The following ZGPAT variants were observed in gnomAD, a reference collection of about 807,000 sequenced individuals.
The protein encoded by ZGPAT is zinc finger CCCH-type with G patch domain-containing protein.
Under a neutral mutation model 47.9 loss-of-function variants are expected in ZGPAT, and 39 were observed. The ratio of observed to expected loss-of-function variants is 0.81; its 90% confidence interval spans 0.63 to 1.06. The LOEUF (loss-of-function observed/expected upper bound fraction) is 1.06, where lower values mean the gene tolerates loss of function less well. Among genes scored for constraint, ZGPAT ranks in the 50% least tolerant of loss-of-function variants. The probability of loss-of-function intolerance (pLI) is 0.00; values close to 1 mark genes in which losing one functional copy is unlikely to be tolerated. For missense variants in ZGPAT, 717 were observed against 681.4 expected (o/e 1.05, Z -0.58); for synonymous variants, 348 against 292.9 (o/e 1.19, Z -1.92).
Position 63,736,002 on chromosome 20 carries a change from CGGCCTGCTGGCCTGG to C in ZGPAT, c.*87_*101del. ...AGACCAGTGTTGCCCGAGGAGGGGCCGGCCTGCTGGCCTGGGGCGTGCAGACACTGCTGAGTGGAG... is the reference window on the plus strand; with the variant it reads ...AGACCAGTGTTGCCCGAGGAGGGGCCGGCGTGCAGACACTGCTGAGTGGAG... On this transcript the variant is annotated 3_prime_UTR_variant, in exon 7 of 7. Coordinates refer to ENST00000355969, the MANE Select transcript of ZGPAT (RefSeq NM_181485.3). 1 of 1,543,828 alleles carries C rather than the reference CGGCCTGCTGGCCTGG, an allele frequency of 6.5e-7. No homozygotes were observed. Among genetic ancestry groups the C allele is most frequent in the Non-Finnish European group, 8.8e-7 (1 of 1,141,550 alleles).
At chr20:63,719,195 C>T (rs1271230799) in intron 2 of ZGPAT, among the ~76,000 whole-genome samples, 3 of 152,062 alleles carry the variant, frequency 2.0e-5, no homozygotes, top group Admixed American at 1.3e-4. Context: ...TTAGGAGATT[C>T]TCTATCTTTG....
chr20:63,720,528 T>A (rs2091776920), intron 2 of ZGPAT, among the ~76,000 whole-genome samples: 1 of 152,026 alleles, frequency 6.6e-6, no homozygotes. Flanking sequence ...CCTGGCACAC[T>A]GCAGCCTTAA....
intron 2 of ZGPAT, among the ~76,000 whole-genome samples, chr20:63,711,939 G>A (rs2091673160): frequency 6.6e-6 from 1 of 152,190 alleles, no homozygotes; most frequent in Admixed American, 6.5e-5. Flanking sequence ...ATAGTTTGCA[G>A]ATATTTGCTC....
chr20:63,709,286 C>T (rs1411167967), intron 2 of ZGPAT, 122 bp downstream of exon 2: 3 of 1,049,950 alleles, frequency 2.9e-6, no homozygotes, highest in Non-Finnish European at 2.8e-6. Context: ...GGCAGGCGTG[C>T]TTTGACAGCT....
chr20:63,734,559 G>A (rs1458000689), intron 4 of ZGPAT, 146 bp from the exon 5 acceptor site: 2 of 1,481,946 alleles, frequency 1.3e-6, no homozygotes, highest in Non-Finnish European at 1.8e-6. Context: ...CTCTGCCCAG[G>A]ATCTGAGCTC....
At chr20:63,727,823 T>G (rs1304890287) in intron 2 of ZGPAT, among the ~76,000 whole-genome samples, 1 of 152,104 alleles carries the variant, frequency 6.6e-6, no homozygotes, top group East Asian at 1.9e-4. Context: ...ATCAACTGCT[T>G]TTTTTCCTAA....
intron 2 of ZGPAT, among the ~76,000 whole-genome samples, chr20:63,725,207 A>G (rs1031273856): frequency 6.6e-6 from 1 of 151,906 alleles, no homozygotes; most frequent in Non-Finnish European, 1.5e-5. Flanking sequence ...GATGGTCTTG[A>G]TCTCCTGACC....
intron 2 of ZGPAT, among the ~76,000 whole-genome samples, chr20:63,724,893 T>G (rs1601332996): frequency 6.6e-6 from 1 of 151,922 alleles, no homozygotes; most frequent in Non-Finnish European, 1.5e-5. Context: ...GCCAGGCTGG[T>G]CTCGAATTCA....
intron 2 of ZGPAT, among the ~76,000 whole-genome samples, chr20:63,719,809 TG>T (rs1234231474): frequency 1.3e-5 from 2 of 151,854 alleles, no homozygotes; most frequent in African/African-American, 4.8e-5. Context: ...GTCACAATCT[TG>T]GCTCACTACA....
chr20:63,733,493 C>T (rs1164935834), intron 3 of ZGPAT, 94 bp from the exon 4 acceptor site: 2 of 1,607,538 alleles, frequency 1.2e-6, no homozygotes, highest in Non-Finnish European at 1.7e-6. Context: ...CTACCCTCAG[C>T]CTCTGCCCTG....
intron 2 of ZGPAT, among the ~76,000 whole-genome samples, chr20:63,710,988 A>T (rs984205667): frequency 4.0e-5 from 6 of 151,388 alleles, no homozygotes; most frequent in Non-Finnish European, 7.4e-5. Flanking sequence ...CTGACCGTGT[A>T]ACCATCCCTA....
At position 63,733,666 on chromosome 20, in the gene ZGPAT, GCCCC is replaced by G; in HGVS notation, c.800_803del (p.Pro267HisfsTer49). 6.2e-7 allele frequency: 1 copy of G among 1,613,992 alleles called. No individual in the cohort carries two copies. The highest frequency in any genetic ancestry group is 8.5e-7 in the Non-Finnish European group (1 of 1,180,028). On this transcript the variant is annotated frameshift_variant, in exon 4 of 7. Coordinates refer to ENST00000355969, the MANE Select transcript of ZGPAT (RefSeq NM_181485.3). LOFTEE classifies it high-confidence loss of function. Reference sequence around the variant, plus strand: ...CCGTGGTGGAGGGGGACGGCATCCTGCCCCCACTGCGCACAGAGGCCACAGAGTC... The same window carrying G: ...CCGTGGTGGAGGGGGACGGCATCCTGCACTGCGCACAGAGGCCACAGAGTC...
At chr20:63,732,557 G>A (rs905112732) in intron 2 of ZGPAT, among the ~76,000 whole-genome samples, 2 of 152,062 alleles carry the variant, frequency 1.3e-5, no homozygotes, top group Non-Finnish European at 2.9e-5. Context: ...ATGTATGACT[G>A]CATCTGTATT....
At chr20:63,725,058 C>T (rs1243915817) in intron 2 of ZGPAT, among the ~76,000 whole-genome samples, 1 of 150,006 alleles carries the variant, frequency 6.7e-6, no homozygotes, top group Non-Finnish European at 1.5e-5. Context: ...GATCTCGGCT[C>T]ACTGCGAGCT....
At chr20:63,733,478 C>T (rs1179178485) in intron 3 of ZGPAT, 109 bp from the exon 4 acceptor site, 10 of 1,600,010 alleles carry the variant, frequency 6.2e-6, no homozygotes, top group African/African-American at 1.3e-5. Flanking sequence ...CCGAAATGAG[C>T]ACACCTACCC....
At chr20:63,730,922 TTCTCTCTCTCTCTCTCTCTCTCTC>T (rs33915732) in intron 2 of ZGPAT, among the ~76,000 whole-genome samples, 52 of 124,640 alleles carry the variant, frequency 4.2e-4, no homozygotes, top group African/African-American at 1.3e-3. Flanking sequence ...TTCCTCTTCA[TTCTCTCTCTCTCTCTCTCTCTCTC>T]TCTCTCTCTC....
chr20:63,733,368 G>A lies in ZGPAT; in HGVS notation c.718+16G>A, dbSNP rs1356207351. 3 of 1,606,692 alleles carry A rather than the reference G, an allele frequency of 1.9e-6. No individual in the cohort carries two copies. Among genetic ancestry groups the A allele is most frequent in the Admixed American group, 3.3e-5 (2 of 59,790 alleles). ...CGCATCACCGGTGAGGCTGGCCGTG[G>A]GGGCCTCCCGGGAACACCCTCCCAG... On this transcript the variant is annotated intron_variant, in intron 3 of 6. Coordinates refer to ENST00000355969, the MANE Select transcript of ZGPAT (RefSeq NM_181485.3).
chr20:63,708,725 C>G lies in ZGPAT; in HGVS notation c.145C>G (p.Leu49Val). 1 of 1,612,768 alleles carries G rather than the reference C, an allele frequency of 6.2e-7. No homozygotes were observed. The highest frequency in any genetic ancestry group is 1.1e-5 in the South Asian group (1 of 91,086). ...LQGDLKELIE[L>V]TEASLVSVRK... ...GGGGGACCTGAAGGAGCTCATCGAG[C>G]TCACCGAGGCCAGCCTGGTGTCTGT... Residue 49 changes from leucine (L) to valine (V), a missense_variant, in exon 2 of 7, where the codon CTC (leucine) becomes GTC (valine). Transcript: ENST00000355969.
At chr20:63,724,089 G>GTA (rs1367506963) in intron 2 of ZGPAT, among the ~76,000 whole-genome samples, 1 of 152,082 alleles carries the variant, frequency 6.6e-6, no homozygotes, top group Non-Finnish European at 1.5e-5. Flanking sequence ...AAAGGGACTA[G>GTA]GAATGGTGGC....
Sources: gnomAD v4.1 joint callset for allele counts (sites outside exome capture counted in the v4.1 genomes callset) on GRCh38, gnomAD v4.1.1 for gene constraint, MANE v1.5 for transcripts, NCBI Gene and HGNC (gene_info 2026-07-23, HGNC 2026-07-21) for gene names.